Variants in DISC1 observed in about 807,000 individuals in gnomAD.
The protein encoded by DISC1 is DISC1 scaffold protein, also known as disrupted in schizophrenia 1 protein.
DISC1 carries 57 observed loss-of-function variants against 84.5 expected under a neutral mutation model. That is an observed-to-expected ratio of 0.67 (90% CI 0.55 to 0.84). The LOEUF (loss-of-function observed/expected upper bound fraction) is 0.84. Ranked by LOEUF, DISC1 falls within the 40% of genes least tolerant of loss-of-function variation. The pLI, the probability that DISC1 is intolerant of heterozygous loss-of-function variation, is 0.00. For synonymous variants in DISC1, 411 were observed against 415.2 expected (o/e 0.99, Z 0.12); for missense variants, 1,000 against 1,057.8 (o/e 0.95, Z 0.76).
chr1:231,689,341 G>GT (rs1010142089), intron 1 of DISC1, among the ~76,000 whole-genome samples: 12 of 151,182 alleles, frequency 7.9e-5, no homozygotes, highest in Non-Finnish European at 1.8e-4. Context: ...TTTTTTTGTT[G>GT]TTTTTTTGAG....
intron 4 of DISC1, among the ~76,000 whole-genome samples, chr1:231,759,437 C>CT: frequency 6.8e-6 from 1 of 147,306 alleles, no homozygotes; most frequent in South Asian, 2.1e-4. Flanking sequence ...ACCTGTAATC[C>CT]CAGCTCTTTG....
intron 9 of DISC1, among the ~76,000 whole-genome samples, chr1:231,940,242 T>C (rs2126129033): frequency 6.6e-6 from 1 of 152,270 alleles, no homozygotes; most frequent in African/African-American, 2.4e-5. Context: ...TGCACGGTTC[T>C]TGAGGCCATG....
At chr1:231,635,197 T>C (rs1425488068) in intron 1 of DISC1, among the ~76,000 whole-genome samples, 1 of 152,140 alleles carries the variant, frequency 6.6e-6, no homozygotes, top group Non-Finnish European at 1.5e-5. Flanking sequence ...CTGATTGGGT[T>C]ATTGTTCCTC....
rs886921653 is a variant in DISC1 at position 231,686,769 on chromosome 1, G to A, written c.68-7057G>A. 2.6e-4 allele frequency among the ~76,000 whole-genome samples: 40 copies of A among 152,254 alleles called. 1 individual carries two copies. Among genetic ancestry groups the A allele is most frequent in the African/African-American group, 8.9e-4 (37 of 41,548 alleles). The stretch of plus-strand genomic sequence containing the variant: ...TTCTTTTCTGTCACATTGTTATGCT[G>A]CAAATTTTCTGAACTTTTATGTTCT... On this transcript the variant is annotated intron_variant, in intron 1 of 12. Coordinates refer to ENST00000439617, the MANE Select transcript of DISC1 (RefSeq NM_018662.3).
intron 1 of DISC1, among the ~76,000 whole-genome samples, chr1:231,642,936 G>T (rs1237582887): frequency 6.6e-6 from 1 of 152,176 alleles, no homozygotes; most frequent in East Asian, 1.9e-4. Flanking sequence ...TAATAAAACC[G>T]TTATGAAAAT....
At chr1:231,966,257 G>GA (rs765745133) in intron 10 of DISC1, among the ~76,000 whole-genome samples, 2 of 145,202 alleles carry the variant, frequency 1.4e-5, no homozygotes, top group Admixed American at 1.4e-4. Context: ...TAATAGAATA[G>GA]AAAAAAACGA....
chr1:231,690,612 G>A (rs1235969974), intron 1 of DISC1, among the ~76,000 whole-genome samples: 3 of 152,292 alleles, frequency 2.0e-5, no homozygotes, highest in Middle Eastern at 3.4e-3. Context: ...ACTTGGATAT[G>A]TAAGTGAGAA....
chr1:232,004,433 CAT>C (rs60621888), intron 10 of DISC1, among the ~76,000 whole-genome samples: 43,557 of 151,538 alleles, frequency 0.29, 6,472 homozygotes, highest in African/African-American at 0.34. Flanking sequence ...TATGAACAAA[CAT>C]GTAACAATAC....
rs371748247 is a variant in DISC1, at chr1:231,722,652, G to A, written c.1117+20628G>A. 1.1e-4 allele frequency: 172 copies of A among 1,612,810 alleles called. No homozygotes were observed. In the Middle Eastern group the frequency reaches 1.5e-3, roughly 14 times the overall value. On this transcript the variant is annotated intron_variant, in intron 3 of 12. Transcript: ENST00000439617. Reference sequence around the variant, plus strand: ...CAAGACAAATAGATATCCACACAGCGTAGATCATGACTTCTTTAGACATCA... The same window carrying A: ...CAAGACAAATAGATATCCACACAGCATAGATCATGACTTCTTTAGACATCA...
In DISC1 at chr1:231,781,160, T is replaced by TAAAAA. The variant is rs56779223; in HGVS notation, c.1634+10102_1634+10106dup. ...TGTACCCTAAAACTTAAAGTATAATTAAAAAAAAAAAAAAAAGAAATGCAG... is the reference window on the plus strand; with the variant it reads ...TGTACCCTAAAACTTAAAGTATAATTAAAAAAAAAAAAAAAAAAAAAGAAATGCAG... On this transcript the variant is annotated intron_variant, in intron 6 of 12. Transcript: ENST00000439617. 3.4e-5 allele frequency among the ~76,000 whole-genome samples: 4 copies of TAAAAA among 117,906 alleles called. No homozygotes were observed. The South Asian group carries it at 1.1e-3, about 33-fold the overall frequency. 77.4% of individuals were successfully genotyped at this position (117,906 alleles called of 152,430 possible). A position where few individuals can be genotyped will look rare whatever the true frequency, so the allele number is the denominator to read the frequency against.
chr1:231,857,754 T>C (rs1036300059), intron 9 of DISC1, among the ~76,000 whole-genome samples: 2 of 152,238 alleles, frequency 1.3e-5, no homozygotes, highest in African/African-American at 4.8e-5. Context: ...GACTTCTCAC[T>C]GTCAGAACTA....
intron 1 of DISC1, among the ~76,000 whole-genome samples, chr1:231,656,878 A>G (rs1278037364): frequency 6.6e-6 from 1 of 152,086 alleles, no homozygotes; most frequent in Non-Finnish European, 1.5e-5. Flanking sequence ...GAGAGCATGC[A>G]TTCTTTGGTT....
At chr1:231,719,733 A>T (rs2069353858) in intron 3 of DISC1, among the ~76,000 whole-genome samples, 1 of 152,106 alleles carries the variant, frequency 6.6e-6, no homozygotes. Flanking sequence ...TTTTTTGTTC[A>T]AATGTATTTG....
intron 9 of DISC1, among the ~76,000 whole-genome samples, chr1:231,829,160 C>G (rs1434716110): frequency 6.6e-6 from 1 of 151,886 alleles, no homozygotes; most frequent in Non-Finnish European, 1.5e-5. Context: ...GATTAATGAC[C>G]CAAAGAATGC....
intron 9 of DISC1, among the ~76,000 whole-genome samples, chr1:231,902,986 CTG>C (rs1041854985): frequency 1.3e-5 from 2 of 152,078 alleles, no homozygotes; most frequent in African/African-American, 2.4e-5. Flanking sequence ...CTGTGTATCA[CTG>C]TGTCTTTGTA....
intron 10 of DISC1, among the ~76,000 whole-genome samples, chr1:231,969,377 T>C (rs1436994544): frequency 1.3e-5 from 2 of 151,974 alleles, no homozygotes; most frequent in Non-Finnish European, 2.9e-5. Context: ...GCTCTCAGAA[T>C]GGATCTGGCT....
intron 10 of DISC1, among the ~76,000 whole-genome samples, chr1:231,983,556 G>GGGGGGGGGGGGGGGGT (rs572700859): frequency 1.7e-5 from 1 of 59,502 alleles, no homozygotes. Flanking sequence ...GGGGTGGGGG[G>GGGGGGGGGGGGGGGGT]AGGTAGAGGA....
At chr1:232,024,145 C>T (rs1572671300) in intron 11 of DISC1, among the ~76,000 whole-genome samples, 2 of 151,900 alleles carry the variant, frequency 1.3e-5, no homozygotes, top group Non-Finnish European at 2.9e-5. Flanking sequence ...AGTAAACCTT[C>T]AAGGGTGCTT....
In DISC1 at chr1:232,036,008, A is replaced by G. The variant is rs1055617814; in HGVS notation, c.2426-684A>G. On this transcript the variant is annotated intron_variant, in intron 12 of 12. Coordinates refer to ENST00000439617, the MANE Select transcript of DISC1 (RefSeq NM_018662.3). Reference sequence around the variant, plus strand: ...CTTAAGAAAAGAAAAGAACCAACCAACCAACCCAGAAAAAGCAAGCTCTCT... The same window carrying G: ...CTTAAGAAAAGAAAAGAACCAACCAGCCAACCCAGAAAAAGCAAGCTCTCT... Among the ~76,000 whole-genome samples the G allele has an allele frequency of 1.1e-4, 16 of 152,310 alleles. No homozygotes were observed. The East Asian group carries it at 2.1e-3, about 20-fold the overall frequency.
Sources: allele counts gnomAD v4.1 joint callset (sites outside exome capture counted in the v4.1 genomes callset), GRCh38; gene constraint gnomAD v4.1.1; transcripts MANE v1.5; gene names NCBI Gene and HGNC (gene_info 2026-07-23, HGNC 2026-07-21).